GAN: variants seen among roughly 807,000 people sequenced by gnomAD.
GAN encodes epididymis secretory sperm binding protein.
A neutral mutation model predicts 71.3 loss-of-function variants in GAN; 48 were observed. The observed-to-expected ratio is 0.67, with a 90% CI of 0.53 to 0.86. The LOEUF is 0.86. Among genes scored for constraint, GAN ranks in the 40% least tolerant of loss-of-function variants. The pLI, the probability that GAN is intolerant of heterozygous loss-of-function variation, is 0.00. For synonymous variants in GAN, 386 were observed against 276.8 expected (o/e 1.39, Z -3.92); for missense variants, 928 against 770.1 (o/e 1.21, Z -2.43).
chr16:81,314,964 A>T lies in GAN; in HGVS notation c.-150A>T, dbSNP rs764857100. On this transcript the variant is annotated 5_prime_UTR_variant, in exon 1 of 11. Coordinates refer to ENST00000648994, the MANE Select transcript of GAN (RefSeq NM_022041.4). ...AAGGCGCCGGCCCAGCGCGCCGCGG[A>T]TAGCACAGGCACGTCCCGGGGGCTC... is the stretch of plus-strand genomic sequence containing the variant. The T allele has an allele frequency of 3.5e-6, 2 of 568,548 alleles. No individual in the cohort carries two copies. Among genetic ancestry groups the T allele is most frequent in the Non-Finnish European group, 5.4e-6 (2 of 373,580 alleles). 35.2% of individuals were successfully genotyped at this position (568,548 alleles called of 1,614,324 possible). A position where few individuals can be genotyped will look rare whatever the true frequency, so the allele number is the denominator to read the frequency against.
chr16:81,346,454 C>G (rs566257829), intron 1 of GAN, among the ~76,000 whole-genome samples: 40 of 152,268 alleles, frequency 2.6e-4, no homozygotes, highest in African/African-American at 8.2e-4. Context: ...TGGAGCTTTC[C>G]TGCCTGAGCT....
intron 6 of GAN, 113 bp from the exon 7 acceptor site, chr16:81,363,681 A>G (rs1469331069): frequency 2.9e-6 from 3 of 1,026,144 alleles, no homozygotes; most frequent in Admixed American, 1.8e-5. Flanking sequence ...AGGAGTCCCC[A>G]TTGTCTATTT....
intron 1 of GAN, among the ~76,000 whole-genome samples, chr16:81,342,478 C>A (rs1463888812): frequency 1.3e-5 from 2 of 152,214 alleles, no homozygotes; most frequent in Admixed American, 6.5e-5. Context: ...TTCAGACTCT[C>A]ACTCAAAACC....
chr16:81,377,065 C>A (rs547289282), intron 9 of GAN, among the ~76,000 whole-genome samples, 154 bp from the exon 10 acceptor site: 2 of 152,290 alleles, frequency 1.3e-5, no homozygotes, highest in South Asian at 4.1e-4. Flanking sequence ...CGACTGGCAG[C>A]ATGTCGGTGG....
At chr16:81,332,177 G>T (rs1327374372) in intron 1 of GAN, among the ~76,000 whole-genome samples, 1 of 149,264 alleles carries the variant, frequency 6.7e-6, no homozygotes, top group Non-Finnish European at 1.5e-5. Context: ...AAAAAAAAAA[G>T]AAAAAGAAAA....
At chr16:81,342,409 A>ATTTT (rs1909974313) in intron 1 of GAN, among the ~76,000 whole-genome samples, 1 of 152,356 alleles carries the variant, frequency 6.6e-6, no homozygotes, top group East Asian at 1.9e-4. Context: ...CAAATGTAAA[A>ATTTT]GAACAGAAAT....
chr16:81,353,596 C>G (rs530082884), intron 2 of GAN, among the ~76,000 whole-genome samples: 1 of 152,256 alleles, frequency 6.6e-6, no homozygotes, highest in South Asian at 2.1e-4. Flanking sequence ...TCTTGCTATA[C>G]TCCTCATGAA....
intron 1 of GAN, among the ~76,000 whole-genome samples, chr16:81,324,446 A>G (rs1348396097): frequency 2.0e-5 from 3 of 152,188 alleles, no homozygotes; most frequent in African/African-American, 4.8e-5. Flanking sequence ...CCTAGGCATG[A>G]GAAGAGCAGG....
In GAN at chr16:81,388,445, A is replaced by G. The variant is rs1385707809; in HGVS notation, c.*10849A>G. On this transcript the variant is annotated 3_prime_UTR_variant, in exon 11 of 11. Coordinates refer to ENST00000648994, the MANE Select transcript of GAN (RefSeq NM_022041.4). ...ATCTGTCCCCAAGGCTCCAGGTCAG[A>G]ACTTGGACCCAGGTGCCTTCTGAGG... 1 of 152,444 alleles carries G rather than the reference A, an allele frequency of 6.6e-6. No homozygotes were observed. The highest frequency in any genetic ancestry group is 2.4e-5 in the African/African-American group (1 of 41,452). 9.4% of individuals were successfully genotyped at this position (152,444 alleles called of 1,614,324 possible).
rs750608407 is a variant in GAN, at chr16:81,354,478, C to G, written c.356C>G (p.Thr119Ser). The G allele has an allele frequency of 1.1e-5, 18 of 1,613,964 alleles. No individual in the cohort carries two copies. In the Admixed American group the frequency reaches 3.0e-4, roughly 27 times the overall value. Residue 119 changes from threonine to serine, a missense_variant, in exon 3 of 11, where the codon ACC (threonine) becomes AGC (serine). Thr to Ser is a moderately conservative substitution (Grantham distance 58). Transcript: ENST00000648994. ...ADLLLLTDLK[T>S]LCCEFLEGCI... ...CTGCTGCTACTGACGGACCTTAAAA[C>G]CCTGTGCTGTGAGTTTTTGGAAGGC...
At chr16:81,331,789 A>G (rs1181646588) in intron 1 of GAN, among the ~76,000 whole-genome samples, 2 of 152,260 alleles carry the variant, frequency 1.3e-5, no homozygotes, top group East Asian at 3.8e-4. Flanking sequence ...AGCAAGAATT[A>G]CATTTTGGGC....
chr16:81,332,011 A>G (rs1286128894), intron 1 of GAN, among the ~76,000 whole-genome samples: 1 of 151,916 alleles, frequency 6.6e-6, no homozygotes, highest in Non-Finnish European at 1.5e-5. Context: ...AAAATACAAA[A>G]TTAGCCGGGC....
intron 1 of GAN, among the ~76,000 whole-genome samples, chr16:81,338,998 T>C (rs1255049923): frequency 2.0e-5 from 3 of 152,256 alleles, no homozygotes; most frequent in African/African-American, 7.2e-5. Context: ...TAGAAACTCT[T>C]TTAGCAGTTT....
At chr16:81,332,397 C>A (rs1909612120) in intron 1 of GAN, among the ~76,000 whole-genome samples, 1 of 152,128 alleles carries the variant, frequency 6.6e-6, no homozygotes, top group Non-Finnish European at 1.5e-5. Context: ...TACACTGGTC[C>A]TTGACTCATA....
At chr16:81,370,487 T>C (rs1911004092) in intron 9 of GAN, among the ~76,000 whole-genome samples, 1 of 152,234 alleles carries the variant, frequency 6.6e-6, no homozygotes, top group Non-Finnish European at 1.5e-5. Context: ...AAATAGCTAA[T>C]GTAGGAAGCA....
At chr16:81,359,643 A>C (rs1049398006) in intron 5 of GAN, among the ~76,000 whole-genome samples, 1 of 152,112 alleles carries the variant, frequency 6.6e-6, no homozygotes, top group African/African-American at 2.4e-5. Context: ...TTTAAAATGC[A>C]TTATCACTAA....
At chr16:81,374,178 A>G (rs563100482) in intron 9 of GAN, among the ~76,000 whole-genome samples, 22 of 152,332 alleles carry the variant, frequency 1.4e-4, no homozygotes, top group African/African-American at 4.8e-4. Flanking sequence ...CAGTTTGGCA[A>G]TACCACAGAA....
intron 1 of GAN, among the ~76,000 whole-genome samples, chr16:81,331,440 A>G (rs929374242): frequency 2.0e-5 from 3 of 152,238 alleles, no homozygotes; most frequent in Admixed American, 6.5e-5. Context: ...TTTCTGTAAC[A>G]ATATTAATTT....
intron 9 of GAN, among the ~76,000 whole-genome samples, chr16:81,375,973 C>CAAAAAAA (rs55948304): frequency 9.4e-6 from 1 of 106,526 alleles, no homozygotes. Flanking sequence ...GACCCTGTCT[C>CAAAAAAA]AAAAAAAAAA....
Sources: allele counts gnomAD v4.1 joint callset (sites outside exome capture counted in the v4.1 genomes callset), GRCh38; gene constraint gnomAD v4.1.1; transcripts MANE v1.5; gene names NCBI Gene and HGNC (gene_info 2026-07-23, HGNC 2026-07-21).